EPB41L4A: variants seen among roughly 807,000 people sequenced by gnomAD.
EPB41L4A encodes band 4.1-like protein 4A.
In EPB41L4A, 100 loss-of-function variants were observed where a neutral mutation model predicts 108.6. That is an observed-to-expected ratio of 0.92 (90% CI 0.78 to 1.09). EPB41L4A has a LOEUF of 1.09. EPB41L4A is among the 50% of genes least tolerant of loss of function. EPB41L4A has a pLI of 0.00. For synonymous variants in EPB41L4A, 319 were observed against 289.0 expected (o/e 1.10, Z -1.05); for missense variants, 1,030 against 842.7 (o/e 1.22, Z -2.75).
intron 2 of EPB41L4A, among the ~76,000 whole-genome samples, chr5:112,301,798 C>A (rs1754379377): frequency 6.6e-6 from 1 of 151,998 alleles, no homozygotes; most frequent in Non-Finnish European, 1.5e-5. Context: ...ATAGTGACAA[C>A]CATGGTAATA....
intron 1 of EPB41L4A, among the ~76,000 whole-genome samples, chr5:112,365,712 C>T (rs1403239739): frequency 6.6e-6 from 1 of 152,172 alleles, no homozygotes; most frequent in African/African-American, 2.4e-5. Flanking sequence ...GCTAGGGTAT[C>T]ATATTACATT....
intron 6 of EPB41L4A, 54 bp from the exon 7 acceptor site, chr5:112,262,635 C>T: frequency 7.2e-7 from 1 of 1,385,080 alleles, no homozygotes; most frequent in Middle Eastern, 1.8e-4. Flanking sequence ...ACTGCACTTA[C>T]AGGGATGCAA....
At chr5:112,384,999 C>G (rs760342371) in intron 1 of EPB41L4A, among the ~76,000 whole-genome samples, 8 of 152,220 alleles carry the variant, frequency 5.3e-5, no homozygotes, top group Admixed American at 1.3e-4. Context: ...CATGGCCCCA[C>G]TTCAGGAAGA....
At chr5:112,245,661 A>T (rs1418841004) in intron 9 of EPB41L4A, among the ~76,000 whole-genome samples, 2 of 152,154 alleles carry the variant, frequency 1.3e-5, no homozygotes, top group African/African-American at 2.4e-5. Flanking sequence ...TTCAGGTTGA[A>T]ATATTCTGAT....
chr5:112,202,802 T>A (rs1032793284), intron 15 of EPB41L4A, among the ~76,000 whole-genome samples: 22 of 152,070 alleles, frequency 1.4e-4, no homozygotes, highest in Admixed American at 3.9e-4. Flanking sequence ...AAGTGTGTAT[T>A]AACTAGGGCA....
chr5:112,324,720 T>TAA (rs60242363), intron 1 of EPB41L4A, among the ~76,000 whole-genome samples: 6 of 101,744 alleles, frequency 5.9e-5, no homozygotes, highest in Non-Finnish European at 1.0e-4. Flanking sequence ...AGAGTCTGTC[T>TAA]AAAAAAAAAA....
At chr5:112,312,558 T>C (rs1755118605) in intron 1 of EPB41L4A, among the ~76,000 whole-genome samples, 1 of 152,198 alleles carries the variant, frequency 6.6e-6, no homozygotes. Flanking sequence ...ATGCTGTATT[T>C]CTGTCACTAC....
At chr5:112,419,863 T>G, upstream of EPB41L4A, 1 of 456,660 alleles carries the variant, frequency 2.2e-6, no homozygotes, top group Non-Finnish European at 4.4e-6. Context: ...AAGCTCTCCC[T>G]CCGGGAATGC....
At chr5:112,393,561 T>A (rs1013007094) in intron 1 of EPB41L4A, among the ~76,000 whole-genome samples, 3 of 152,178 alleles carry the variant, frequency 2.0e-5, no homozygotes, top group African/African-American at 7.2e-5. Context: ...AATCCCTGAA[T>A]AGACCAATAA....
chr5:112,258,780 C>G (rs909604824), intron 9 of EPB41L4A, among the ~76,000 whole-genome samples: 1 of 152,186 alleles, frequency 6.6e-6, no homozygotes, highest in Non-Finnish European at 1.5e-5. Context: ...GAATTTCCAT[C>G]TGGTTTGTCT....
At chr5:112,377,683 C>G (rs566567783) in intron 1 of EPB41L4A, among the ~76,000 whole-genome samples, 1 of 152,298 alleles carries the variant, frequency 6.6e-6, no homozygotes, top group Non-Finnish European at 1.5e-5. Context: ...CTAGAAAACA[C>G]CACAGCCTGG....
At chr5:112,176,252 C>A (rs1760855772) in intron 18 of EPB41L4A, among the ~76,000 whole-genome samples, 1 of 152,172 alleles carries the variant, frequency 6.6e-6, no homozygotes, top group Admixed American at 6.5e-5. Context: ...ATGCAAACAA[C>A]AGCACCCAGC....
intron 18 of EPB41L4A, among the ~76,000 whole-genome samples, chr5:112,173,885 G>A (rs2150211000): frequency 6.6e-6 from 1 of 152,074 alleles, no homozygotes; most frequent in South Asian, 2.1e-4. Flanking sequence ...CTCATAATCT[G>A]CCCACCTCAG....
chr5:112,390,985 C>A (rs1760896928), intron 1 of EPB41L4A, among the ~76,000 whole-genome samples: 1 of 152,184 alleles, frequency 6.6e-6, no homozygotes, highest in African/African-American at 2.4e-5. Flanking sequence ...AGGGACCTGA[C>A]TGTTAGAAGG....
At chr5:112,249,476 C>G (rs1284486716) in intron 9 of EPB41L4A, 1 of 152,140 alleles carries the variant, frequency 6.6e-6, no homozygotes, top group East Asian at 1.9e-4. Context: ...AAAATTTTAT[C>G]TTTCTAAATG....
chr5:112,418,617 T>C lies in EPB41L4A; in HGVS notation c.99+324A>G, dbSNP rs111505334. 3.4e-3 allele frequency among the ~76,000 whole-genome samples: 520 copies of C among 152,288 alleles called. 3 individuals carry two copies. Among genetic ancestry groups the C allele is most frequent in the African/African-American group, 0.012 (503 of 41,564 alleles). On this transcript the variant is annotated intron_variant, in intron 1 of 22. Coordinates refer to ENST00000261486, the MANE Select transcript of EPB41L4A (RefSeq NM_022140.5). ...GGTGGGACGCAGCTGGTATAACCCA[T>C]TCTGCCCCTCTTTGAGAGCTGCGGG...
At chr5:112,212,802 T>A (rs922688926) in intron 12 of EPB41L4A, among the ~76,000 whole-genome samples, 1 of 152,008 alleles carries the variant, frequency 6.6e-6, no homozygotes, top group Non-Finnish European at 1.5e-5. Flanking sequence ...AAGGTGAACA[T>A]CCTGTTAACC....
rs528495902 is a variant in EPB41L4A, at chr5:112,244,820, G to A, written c.796-4010C>T. On this transcript the variant is annotated intron_variant, in intron 9 of 22. Transcript: ENST00000261486. ...GCTCCTAGCTTGCAGGGTGCTCTTT[G>A]TTAGAAAATGATTCAGGACTGCTTT... Among the ~76,000 whole-genome samples the A allele has an allele frequency of 2.6e-5, 4 of 152,270 alleles. No homozygotes were observed. The East Asian group carries it at 7.7e-4, about 29-fold the overall frequency.
At chr5:112,237,562 G>T (rs887581139) in intron 11 of EPB41L4A, among the ~76,000 whole-genome samples, 1 of 152,116 alleles carries the variant, frequency 6.6e-6, no homozygotes, top group Non-Finnish European at 1.5e-5. Context: ...GCAGCCACCT[G>T]TTAAGCTGTT....
Sources: gnomAD v4.1 joint callset for allele counts (sites outside exome capture counted in the v4.1 genomes callset) on GRCh38, gnomAD v4.1.1 for gene constraint, MANE v1.5 for transcripts, NCBI Gene and HGNC (gene_info 2026-07-23, HGNC 2026-07-21) for gene names.